SORCS2: variants seen among roughly 807,000 people sequenced by gnomAD.
SORCS2 encodes sortilin related VPS10 domain containing receptor 2, also known as VPS10 domain-containing receptor SorCS2.
SORCS2 carries 100 observed loss-of-function variants against 141.6 expected under a neutral mutation model. That is an observed-to-expected ratio of 0.71 (90% CI 0.60 to 0.83). SORCS2 has a LOEUF of 0.83. Among genes scored for constraint, SORCS2 ranks in the 40% least tolerant of loss-of-function variants. SORCS2 has a pLI of 0.00. For synonymous variants in SORCS2, 789 were observed against 676.9 expected (o/e 1.17, Z -2.57); for missense variants, 1,646 against 1,560.2 (o/e 1.05, Z -0.93).
At chr4:7,567,557 C>G (rs995564715) in intron 3 of SORCS2, among the ~76,000 whole-genome samples, 1 of 152,162 alleles carries the variant, frequency 6.6e-6, no homozygotes, top group African/African-American at 2.4e-5. Flanking sequence ...CGCATCACAC[C>G]AAGGCCACAC....
intron 2 of SORCS2, among the ~76,000 whole-genome samples, chr4:7,411,242 C>T (rs1725287750): frequency 6.6e-6 from 1 of 152,064 alleles, no homozygotes; most frequent in African/African-American, 2.4e-5. Context: ...GCATGAGCCA[C>T]TGCGCCTGGC....
At chr4:7,511,649 C>T (rs1293847406) in intron 2 of SORCS2, among the ~76,000 whole-genome samples, 1 of 152,094 alleles carries the variant, frequency 6.6e-6, no homozygotes, top group Non-Finnish European at 1.5e-5. Flanking sequence ...CCGTGAAGGC[C>T]TATGGTACCT....
At chr4:7,414,230 G>C (rs965965049) in intron 2 of SORCS2, among the ~76,000 whole-genome samples, 1 of 152,244 alleles carries the variant, frequency 6.6e-6, no homozygotes, top group African/African-American at 2.4e-5. Context: ...CAGAAGAACA[G>C]AGGACCCAGG....
chr4:7,253,258 C>A (rs1312678252), intron 1 of SORCS2, among the ~76,000 whole-genome samples: 1 of 152,242 alleles, frequency 6.6e-6, no homozygotes, highest in Non-Finnish European at 1.5e-5. Flanking sequence ...GCTGCAGGGA[C>A]AACCTGAGCC....
intron 2 of SORCS2, among the ~76,000 whole-genome samples, chr4:7,467,243 C>T (rs1001053903): frequency 6.6e-6 from 1 of 152,158 alleles, no homozygotes; most frequent in African/African-American, 2.4e-5. Context: ...AATGACGTGT[C>T]ATCCACAGCC....
At chr4:7,590,011 G>A (rs1053350396) in intron 3 of SORCS2, among the ~76,000 whole-genome samples, 7 of 152,268 alleles carry the variant, frequency 4.6e-5, no homozygotes, top group African/African-American at 1.7e-4. Context: ...AGAGAGAAAG[G>A]GCTGGAGGAT....
At chr4:7,439,132 C>G (rs547312253) in intron 2 of SORCS2, among the ~76,000 whole-genome samples, 53 of 152,230 alleles carry the variant, frequency 3.5e-4, no homozygotes, top group African/African-American at 1.3e-3. Context: ...GAGTGAAAAC[C>G]TTACCTCTTC....
rs377431157 is a variant in SORCS2, at chr4:7,674,578, TAAAAAAAAAA to T, written c.1162-1454_1162-1445del. Among the ~76,000 whole-genome samples, 748 of 82,616 alleles carry T rather than the reference TAAAAAAAAAA, an allele frequency of 9.1e-3. 7 individuals are homozygous for T. The highest frequency in any genetic ancestry group is 0.028 in the African/African-American group (717 of 26,006). 54.2% of individuals were successfully genotyped at this position (82,616 alleles called of 152,430 possible). A position where few individuals can be genotyped will look rare whatever the true frequency, so the allele number is the denominator to read the frequency against. ...GACAGAGCGAGACTCTGTCTCAAAA[TAAAAAAAAAA>T]AAAAAAAAAAAAAAAAAGCAACCCT... On this transcript the variant is annotated intron_variant, in intron 8 of 26. Transcript: ENST00000507866.
chr4:7,511,837 G>C (rs1732673973), intron 2 of SORCS2, among the ~76,000 whole-genome samples: 1 of 152,174 alleles, frequency 6.6e-6, no homozygotes, highest in Admixed American at 6.5e-5. Flanking sequence ...GGCCTGGCCT[G>C]TTTCCAGTTA....
chr4:7,389,458 C>T (rs1411531628), intron 1 of SORCS2, among the ~76,000 whole-genome samples: 1 of 152,198 alleles, frequency 6.6e-6, no homozygotes, highest in Admixed American at 6.5e-5. Flanking sequence ...ATGTCCACAC[C>T]TGGACGAGTA....
rs144758612 is a variant in SORCS2, at chr4:7,519,224, C to T, written c.549-12306C>T. Among the ~76,000 whole-genome samples the T allele has an allele frequency of 2.2e-4, 33 of 152,134 alleles. 1 individual carries two copies. Among genetic ancestry groups the T allele is most frequent in the Admixed American group, 1.8e-3 (28 of 15,274 alleles). On this transcript the variant is annotated intron_variant, in intron 2 of 26. Transcript: ENST00000507866. ...ACCAGGGAGCTTCCAGGAGCTCGGC[C>T]TCGTTCACCGTGGATGGTTATACAC...
At chr4:7,307,832 T>C (rs1409545082) in intron 1 of SORCS2, among the ~76,000 whole-genome samples, 1 of 151,664 alleles carries the variant, frequency 6.6e-6, no homozygotes, top group African/African-American at 2.4e-5. Flanking sequence ...ACAGGCCTGG[T>C]GTGTGCATGA....
chr4:7,661,042 A>G (rs1311096388), intron 5 of SORCS2, among the ~76,000 whole-genome samples: 1 of 152,198 alleles, frequency 6.6e-6, no homozygotes, highest in Non-Finnish European at 1.5e-5. Context: ...TCTGAGCCAC[A>G]GTTTCCATAT....
rs766049599 is a variant in SORCS2 at position 7,638,495 on chromosome 4, A to C, written c.813+3A>C. ...TCGCCTACACAAAGGAGAGCAAGGT[A>C]AGATATATGGGTGCCAGTCGCCTGG... On this transcript the variant is annotated splice_donor_region_variant and intron_variant, in intron 4 of 26. Transcript: ENST00000507866. 41 of 1,609,092 alleles carry C rather than the reference A, an allele frequency of 2.5e-5. No homozygotes were observed. The highest frequency in any genetic ancestry group is 3.1e-5 in the Non-Finnish European group (37 of 1,178,328).
In SORCS2 at chr4:7,443,629, AC is replaced by A. The variant is rs1727817395; in HGVS notation, c.548+47275del. Among the ~76,000 whole-genome samples the A allele has an allele frequency of 2.0e-5, 3 of 152,346 alleles. No homozygotes were observed. The South Asian group carries it at 6.2e-4, about 32-fold the overall frequency. The stretch of plus-strand genomic sequence containing the variant: ...CATAAGGTGCAGAGACCCAGGGTCC[AC>A]GGCATAAGGACCGGAGACCACAGAA... On this transcript the variant is annotated intron_variant, in intron 2 of 26. Transcript: ENST00000507866.
At chr4:7,297,528 C>T (rs1717159087) in intron 1 of SORCS2, among the ~76,000 whole-genome samples, 1 of 152,178 alleles carries the variant, frequency 6.6e-6, no homozygotes, top group African/African-American at 2.4e-5. Flanking sequence ...CATGCCCTGC[C>T]CCCTGCTGAG....
intron 1 of SORCS2, among the ~76,000 whole-genome samples, chr4:7,223,495 G>A (rs998437074): frequency 2.0e-5 from 3 of 152,112 alleles, no homozygotes; most frequent in East Asian, 3.8e-4. Context: ...TTATGCTGAT[G>A]TGCATTAACC....
chr4:7,466,811 G>C (rs776777281), intron 2 of SORCS2, among the ~76,000 whole-genome samples: 1 of 152,182 alleles, frequency 6.6e-6, no homozygotes, highest in Non-Finnish European at 1.5e-5. Context: ...CAGGGGTGCT[G>C]GGAGGCATAG....
chr4:7,590,341 T>G (rs4594727), intron 3 of SORCS2, among the ~76,000 whole-genome samples: 42,403 of 152,166 alleles, frequency 0.28, 7,082 homozygotes, highest in East Asian at 0.7. Context: ...TGTGCTTTCA[T>G]CTTGCCAATC....
Sources: gnomAD v4.1 joint callset for allele counts (sites outside exome capture counted in the v4.1 genomes callset) on GRCh38, gnomAD v4.1.1 for gene constraint, MANE v1.5 for transcripts, NCBI Gene and HGNC (gene_info 2026-07-23, HGNC 2026-07-21) for gene names.